EYS: variants seen among roughly 807,000 people sequenced by gnomAD.
EYS encodes EGF-like photoreceptor maintenance factor, also known as protein eyes shut homolog.
A neutral mutation model predicts 282.1 loss-of-function variants in EYS; 250 were observed. That is an observed-to-expected ratio of 0.89 (90% CI 0.80 to 0.98). The LOEUF (loss-of-function observed/expected upper bound fraction) is 0.98. EYS is among the 50% of genes least tolerant of loss of function. EYS has a pLI of 0.00. For missense variants in EYS, 4,016 were observed against 3,709.0 expected, an observed-to-expected ratio of 1.08 and a Z score of -2.15; for synonymous variants, 1,355 against 1,282.9, an observed-to-expected ratio of 1.06 and a Z score of -1.20.
chr6:65,006,189 A>AAG (rs902937275), intron 13 of EYS, among the ~76,000 whole-genome samples: 13 of 152,174 alleles, frequency 8.5e-5, no homozygotes, highest in Admixed American at 7.2e-4. Flanking sequence ...TGTAATGGCT[A>AAG]AGAGAGAGAG....
chr6:65,400,218 C>T (rs1036859404), intron 7 of EYS, among the ~76,000 whole-genome samples: 1 of 152,014 alleles, frequency 6.6e-6, no homozygotes, highest in Non-Finnish European at 1.5e-5. Context: ...GGCTAAACCA[C>T]CACCCAAATA....
chr6:64,120,312 C>A (rs1293108485), intron 31 of EYS, among the ~76,000 whole-genome samples: 1 of 142,012 alleles, frequency 7.0e-6, no homozygotes, highest in Non-Finnish European at 1.5e-5. Flanking sequence ...GAGGAGATCG[C>A]ACCACTGCAC....
At chr6:65,610,075 T>C (rs2149794475) in intron 2 of EYS, among the ~76,000 whole-genome samples, 1 of 152,094 alleles carries the variant, frequency 6.6e-6, no homozygotes, top group South Asian at 2.1e-4. Context: ...GTTTTTTCAT[T>C]TTTTTTATTT....
intron 28 of EYS, among the ~76,000 whole-genome samples, chr6:64,421,145 C>T (rs947682497): frequency 7.2e-5 from 11 of 152,232 alleles, no homozygotes; most frequent in African/African-American, 2.2e-4. Context: ...TTCAGCATGG[C>T]TGGGGAGGCC....
At chr6:63,807,567 A>T (rs1172483064) in intron 36 of EYS, among the ~76,000 whole-genome samples, 1 of 152,172 alleles carries the variant, frequency 6.6e-6, no homozygotes, top group Non-Finnish European at 1.5e-5. Flanking sequence ...TATTTTATTA[A>T]AATCTTATCA....
rs1351091034 is a variant in EYS at position 64,417,028 on chromosome 6, C to G, written c.5927+19146G>C. Among the ~76,000 whole-genome samples the G allele has an allele frequency of 3.3e-5, 5 of 152,108 alleles. No homozygotes were observed. In the East Asian group the frequency reaches 9.6e-4, roughly 29 times the overall value. ...TGGTTGTCCAACTCAAGAACTCATT[C>G]TTTTCAAGACAACATTGTACGGTAC... is the stretch of plus-strand genomic sequence containing the variant. On this transcript the variant is annotated intron_variant, in intron 28 of 42. Coordinates refer to ENST00000503581, the MANE Select transcript of EYS (RefSeq NM_001142800.2).
intron 22 of EYS, among the ~76,000 whole-genome samples, chr6:64,769,565 T>C (rs1468118929): frequency 6.6e-6 from 1 of 152,080 alleles, no homozygotes; most frequent in Non-Finnish European, 1.5e-5. Flanking sequence ...ACCTGTGTAA[T>C]AGCCAATTTA....
chr6:65,157,790 T>C (rs973737843), intron 12 of EYS, among the ~76,000 whole-genome samples: 2 of 141,402 alleles, frequency 1.4e-5, no homozygotes, highest in African/African-American at 2.8e-5. Context: ...TTATGACAGG[T>C]TTTTTCCCCC....
chr6:64,016,362 T>G (rs1420518647), intron 33 of EYS, among the ~76,000 whole-genome samples: 1 of 152,144 alleles, frequency 6.6e-6, no homozygotes, highest in African/African-American at 2.4e-5. Context: ...GGTGAGGAAA[T>G]TGAGGCACCT....
At chr6:65,137,523 A>G (rs7739919) in intron 12 of EYS, among the ~76,000 whole-genome samples, 4,291 of 152,198 alleles carry the variant, frequency 0.028, 154 homozygotes, top group African/African-American at 0.086. Context: ...GGAGAAGATC[A>G]GATTTGTAGA....
intron 19 of EYS, among the ~76,000 whole-genome samples, chr6:64,859,508 T>A (rs1766168004): frequency 6.6e-6 from 1 of 152,140 alleles, no homozygotes. Context: ...CATCTTGAAT[T>A]CCTACATGTT....
chr6:65,354,271 T>G (rs1764393797), intron 8 of EYS, among the ~76,000 whole-genome samples: 1 of 152,086 alleles, frequency 6.6e-6, no homozygotes, highest in Non-Finnish European at 1.5e-5. Flanking sequence ...GGGCTATGTA[T>G]TCTCTTTAGA....
intron 36 of EYS, among the ~76,000 whole-genome samples, chr6:63,817,474 C>G (rs569526029): frequency 2.6e-5 from 4 of 152,312 alleles, no homozygotes; most frequent in Non-Finnish European, 5.9e-5. Flanking sequence ...TAAGTGGCAG[C>G]TGGAACCAAT....
At chr6:63,906,481 C>A (rs1027961625) in intron 35 of EYS, among the ~76,000 whole-genome samples, 2 of 152,136 alleles carry the variant, frequency 1.3e-5, no homozygotes, top group African/African-American at 4.8e-5. Flanking sequence ...CTAGTATAAT[C>A]TTCATGTTTA....
intron 26 of EYS, among the ~76,000 whole-genome samples, chr6:64,518,837 C>T (rs766514542): frequency 2.0e-5 from 3 of 148,228 alleles, no homozygotes; most frequent in Non-Finnish European, 4.5e-5. Context: ...TGAAGAAAGA[C>T]GTGTTTGCTT....
intron 41 of EYS, among the ~76,000 whole-genome samples, chr6:63,734,577 G>C (rs544606018): frequency 4.6e-5 from 7 of 152,106 alleles, no homozygotes; most frequent in Non-Finnish European, 1.0e-4. Flanking sequence ...AGTGGAGGTA[G>C]TGAAAAGTCA....
At chr6:64,927,710 T>C (rs1284050228) in intron 15 of EYS, among the ~76,000 whole-genome samples, 1 of 152,124 alleles carries the variant, frequency 6.6e-6, no homozygotes, top group Admixed American at 6.5e-5. Flanking sequence ...ATATAATTTT[T>C]TTATATCCTC....
intron 37 of EYS, among the ~76,000 whole-genome samples, chr6:63,805,753 A>T (rs1476804108): frequency 6.6e-6 from 1 of 152,180 alleles, no homozygotes; most frequent in African/African-American, 2.4e-5. Flanking sequence ...GTGAGTTCTC[A>T]GGAGATCTGA....
intron 30 of EYS, among the ~76,000 whole-genome samples, chr6:64,288,659 TG>T (rs1248517663): frequency 1.3e-5 from 2 of 152,090 alleles, no homozygotes; most frequent in African/African-American, 2.4e-5. Flanking sequence ...TTTTCTCTCT[TG>T]TGCTCCACAT....
Sources: allele counts gnomAD v4.1 joint callset (sites outside exome capture counted in the v4.1 genomes callset), GRCh38; gene constraint gnomAD v4.1.1; transcripts MANE v1.5; gene names NCBI Gene and HGNC (gene_info 2026-07-23, HGNC 2026-07-21).